RPS6KA2: variants seen among roughly 807,000 people sequenced by gnomAD.
RPS6KA2 encodes the protein ribosomal protein S6 kinase alpha-2.
A neutral mutation model predicts 91.8 loss-of-function variants in RPS6KA2; 42 were observed. That is an observed-to-expected ratio of 0.46 (90% CI 0.36 to 0.59). RPS6KA2 has a LOEUF of 0.59. Among genes scored for constraint, RPS6KA2 ranks in the 20% least tolerant of loss-of-function variants. RPS6KA2 has a pLI of 0.00. For missense variants in RPS6KA2, 798 were observed against 978.5 expected, an observed-to-expected ratio of 0.82 and a Z score of 2.46; for synonymous variants, 414 against 393.6, an observed-to-expected ratio of 1.05 and a Z score of -0.61.
chr6:166,625,529 T>C (rs1392295897), intron 1 of RPS6KA2, among the ~76,000 whole-genome samples: 1 of 152,068 alleles, frequency 6.6e-6, no homozygotes, highest in Non-Finnish European at 1.5e-5. Context: ...TACCTCTTCT[T>C]GGCAAAGACA....
Position 166,459,137 on chromosome 6 carries a change from G to C in RPS6KA2, c.1075+312C>G, listed in dbSNP as rs553896411. Among the ~76,000 whole-genome samples the C allele has an allele frequency of 2.9e-3, 437 of 152,256 alleles. 4 individuals are homozygous for C. Among genetic ancestry groups the C allele is most frequent in the African/African-American group, 0.01 (424 of 41,534 alleles). ...TTTAATTGAAAGAGGGATTTTAATTGCCTCCAGTTTCTTTTCTTGCTCTTG... is the reference window on the plus strand; with the variant it reads ...TTTAATTGAAAGAGGGATTTTAATTCCCTCCAGTTTCTTTTCTTGCTCTTG... On this transcript the variant is annotated intron_variant, in intron 12 of 20. Coordinates refer to ENST00000265678, the MANE Select transcript of RPS6KA2 (RefSeq NM_021135.6). The surrounding 1 kb of genome is among the most constrained non-coding windows in gnomAD (Gnocchi z 4.9).
intron 2 of RPS6KA2, among the ~76,000 whole-genome samples, chr6:166,808,885 A>T (rs1391824017): frequency 6.6e-6 from 1 of 152,228 alleles, no homozygotes; most frequent in Non-Finnish European, 1.5e-5. Flanking sequence ...ATTTGCTTGG[A>T]TGAATAAAGG....
At position 166,612,656 on chromosome 6, in the gene RPS6KA2, A is replaced by C. The variant is rs1236677393; in HGVS notation, c.99+14265T>G. Among the ~76,000 whole-genome samples, 2 of 151,876 alleles carry C rather than the reference A, an allele frequency of 1.3e-5. No individual in the cohort carries two copies. The highest frequency in any genetic ancestry group is 4.8e-5 in the African/African-American group (2 of 41,326). On this transcript the variant is annotated intron_variant, in intron 1 of 20. Transcript: ENST00000265678. This position sits in a 1 kb window ranked among gnomAD's most constrained non-coding sequence, Gnocchi z 4.3. ...GCCCGTGGGCTGTGCTCCATTTATC[A>C]CTCTGTCCGGGCGTCTGTTGTTACC...
rs150848012 is a variant in RPS6KA2 at position 166,574,275 on chromosome 6, C to G, written c.100-35491G>C. On this transcript the variant is annotated intron_variant, in intron 1 of 20. Transcript: ENST00000265678. ...GGCCCCGTCACCCGGGTACTGAGCA[C>G]AGTACCCAGTAGGTAGTTTTTAAGT... Among the ~76,000 whole-genome samples the G allele has an allele frequency of 2.3e-3, 355 of 152,302 alleles. 3 individuals are homozygous for G. The highest frequency in any genetic ancestry group is 8.3e-3 in the African/African-American group (343 of 41,556).
chr6:166,414,154 T>TTTTA (rs1276975871), intron 19 of RPS6KA2, among the ~76,000 whole-genome samples: 7 of 152,272 alleles, frequency 4.6e-5, no homozygotes, highest in African/African-American at 1.7e-4. Flanking sequence ...AAGGTTTATC[T>TTTTA]TTTATTAAAT....
chr6:166,542,281 C>T (rs904495363), intron 1 of RPS6KA2: 3 of 152,254 alleles, frequency 2.0e-5, no homozygotes, highest in African/African-American at 7.2e-5. Context: ...GAAAATGTTA[C>T]TCACATTTCA....
At chr6:166,667,338 A>G (rs1284847455) in intron 2 of RPS6KA2, among the ~76,000 whole-genome samples, 1 of 152,240 alleles carries the variant, frequency 6.6e-6, no homozygotes. Context: ...AACAGCACAT[A>G]GTTACACATA....
chr6:166,753,893 G>A (rs965924558), intron 2 of RPS6KA2, among the ~76,000 whole-genome samples: 1 of 152,212 alleles, frequency 6.6e-6, no homozygotes, highest in Non-Finnish European at 1.5e-5. Context: ...TTTCAAGAGA[G>A]ACGACTGTCA....
At chr6:166,415,753 GA>G (rs780115291) in intron 19 of RPS6KA2, among the ~76,000 whole-genome samples, 11 of 152,076 alleles carry the variant, frequency 7.2e-5, no homozygotes, top group Non-Finnish European at 1.5e-4. Context: ...TGAGGGTGTG[GA>G]CAGGAGCATT....
At chr6:166,551,209 T>C (rs1326323682) in intron 1 of RPS6KA2, among the ~76,000 whole-genome samples, 2 of 152,220 alleles carry the variant, frequency 1.3e-5, no homozygotes, top group Non-Finnish European at 2.9e-5. Flanking sequence ...TGTGTTGGAC[T>C]GATGCTCCCC....
intron 14 of RPS6KA2, chr6:166,440,152 G>C (rs1168718744): frequency 6.6e-6 from 1 of 152,218 alleles, no homozygotes; most frequent in South Asian, 2.1e-4. Flanking sequence ...GTAATGTGTT[G>C]CATTCCTAAA....
chr6:166,651,888 C>T (rs868656741), intron 2 of RPS6KA2, among the ~76,000 whole-genome samples: 1 of 152,252 alleles, frequency 6.6e-6, no homozygotes, highest in Admixed American at 6.5e-5. Flanking sequence ...CAGGTGCACA[C>T]GCACTGTGGA....
chr6:166,500,819 T>G lies in RPS6KA2; in HGVS notation c.604+68A>C. On this transcript the variant is annotated intron_variant, in intron 7 of 20. Transcript: ENST00000265678. This position sits in a 1 kb window ranked among gnomAD's most constrained non-coding sequence, Gnocchi z 4.3. Reference sequence around the variant, plus strand: ...GGTGTAAATAAGAGGGCTTGGGCTTTGAGGTGGTCCCCAAAGGTACCAGGG... The same window carrying G: ...GGTGTAAATAAGAGGGCTTGGGCTTGGAGGTGGTCCCCAAAGGTACCAGGG... 6.9e-7 allele frequency: 1 copy of G among 1,443,452 alleles called. No homozygotes were observed. Among genetic ancestry groups the G allele is most frequent in the Non-Finnish European group, 9.8e-7 (1 of 1,025,188 alleles). 89.4% of individuals were successfully genotyped at this position (1,443,452 alleles called of 1,614,324 possible).
At chr6:166,667,599 T>C (rs1437113757) in intron 2 of RPS6KA2, among the ~76,000 whole-genome samples, 3 of 152,184 alleles carry the variant, frequency 2.0e-5, no homozygotes, top group Non-Finnish European at 4.4e-5. Context: ...CTCATAGATA[T>C]CAGCTTTCAA....
At chr6:166,685,689 C>T (rs1360826671) in intron 2 of RPS6KA2, among the ~76,000 whole-genome samples, 10 of 152,312 alleles carry the variant, frequency 6.6e-5, no homozygotes, top group Middle Eastern at 3.4e-3. Context: ...TTCACCCTCA[C>T]GACAATTCTA....
intron 2 of RPS6KA2, among the ~76,000 whole-genome samples, chr6:166,746,873 G>A (rs1411061325): frequency 9.2e-5 from 14 of 152,214 alleles, no homozygotes; most frequent in African/African-American, 3.1e-4. Context: ...ATAGAACCCA[G>A]AGAACCACAT....
At position 166,508,191 on chromosome 6, in the gene RPS6KA2, G is replaced by T. The variant is rs1453106299; in HGVS notation, c.459+12C>A. ...CCTGCCCGCCCTCCTGTGTGATGTG[G>T]CGGCTGCTCACCTCTTTGGAGAGCC... is the stretch of plus-strand genomic sequence containing the variant. On this transcript the variant is annotated intron_variant, in intron 5 of 20. Coordinates refer to ENST00000265678, the MANE Select transcript of RPS6KA2 (RefSeq NM_021135.6). This position sits in a 1 kb window ranked among gnomAD's most constrained non-coding sequence, Gnocchi z 4.3. The T allele has an allele frequency of 1.3e-6, 2 of 1,589,374 alleles. No homozygotes were observed. Among genetic ancestry groups the T allele is most frequent in the East Asian group, 2.2e-5 (1 of 44,704 alleles).
intron 1 of RPS6KA2, among the ~76,000 whole-genome samples, chr6:166,574,892 A>G (rs1301546618): frequency 2.0e-5 from 3 of 152,236 alleles, no homozygotes; most frequent in African/African-American, 2.4e-5. Context: ...ACCTACAAAT[A>G]GAGTAGACTT....
At chr6:166,684,922 T>C (rs1473699323) in intron 2 of RPS6KA2, among the ~76,000 whole-genome samples, 2 of 152,242 alleles carry the variant, frequency 1.3e-5, no homozygotes, top group Admixed American at 6.5e-5. Flanking sequence ...CAAGAAACAT[T>C]GTGCCAGAGG....
Sources: allele counts gnomAD v4.1 joint callset (sites outside exome capture counted in the v4.1 genomes callset), GRCh38; gene constraint gnomAD v4.1.1; non-coding constraint Gnocchi (gnomAD v3.1); transcripts MANE v1.5; gene names NCBI Gene and HGNC (gene_info 2026-07-23, HGNC 2026-07-21).